The following LARP4B variants were observed in gnomAD, a reference collection of about 807,000 sequenced individuals.
LARP4B encodes La ribonucleoprotein 4B.
In LARP4B, 12 loss-of-function variants were observed where a neutral mutation model predicts 89.8. That is an observed-to-expected ratio of 0.13 (90% CI 0.09 to 0.22). The LOEUF is 0.22. Among genes scored for constraint, LARP4B ranks in the 10% least tolerant of loss-of-function variants. The probability of loss-of-function intolerance (pLI) is 1.00; values close to 1 mark genes in which losing one functional copy is unlikely to be tolerated. For synonymous variants in LARP4B, 367 were observed against 363.3 expected (o/e 1.01, Z -0.12); for missense variants, 757 against 947.7 (o/e 0.80, Z 2.64).
At chr10:925,600 C>G (rs1837114686) in intron 1 of LARP4B, among the ~76,000 whole-genome samples, 1 of 152,060 alleles carries the variant, frequency 6.6e-6, no homozygotes, top group South Asian at 2.1e-4. Flanking sequence ...GTGGTGTGAT[C>G]TCAGATCACT....
rs2131624489 is a variant in LARP4B, at chr10:822,288, C to A, written c.1485-1443G>T. ...GTGTCAGCACCTGCTTGCCCAGAGG[C>A]ATTGCCCTGAGCGCTGGACAGAGGG... On this transcript the variant is annotated intron_variant, in intron 13 of 17. Transcript: ENST00000316157. The surrounding 1 kb of genome is among the most constrained non-coding windows in gnomAD (Gnocchi z 4.6). Among the ~76,000 whole-genome samples the A allele has an allele frequency of 6.6e-6, 1 of 152,338 alleles. No individual in the cohort carries two copies. The highest frequency in any genetic ancestry group is 1.9e-4 in the East Asian group (1 of 5,188).
rs905112794 is a variant in LARP4B at position 822,912 on chromosome 10, G to C, written c.1485-2067C>G. ...GGGACATGTGTCTGGACTCTGGTAA[G>C]GGGTTCTCCAGGACATCTTAGCACT... On this transcript the variant is annotated intron_variant, in intron 13 of 17. Transcript: ENST00000316157. The surrounding 1 kb of genome is among the most constrained non-coding windows in gnomAD (Gnocchi z 4.6). Among the ~76,000 whole-genome samples, 2 of 152,204 alleles carry C rather than the reference G, an allele frequency of 1.3e-5. No homozygotes were observed. The highest frequency in any genetic ancestry group is 4.8e-5 in the African/African-American group (2 of 41,440).
chr10:825,209 T>C lies in LARP4B; in HGVS notation c.1340A>G (p.Asn447Ser). ...CCTTGTTTGTGGACTCCGGACACCA[T>C]TAATTAATCGATCTGCAGTGAAGTT... ...IFNFTADRLI[N>S]GVRSPQTRQA... The change falls in exon 13 of 18, where the codon AAT (asparagine) becomes AGT (serine). Residue 447 changes from asparagine to serine, a missense_variant. Transcript: ENST00000316157. The C allele has an allele frequency of 6.2e-7, 1 of 1,614,196 alleles. No homozygotes were observed. The highest frequency in any genetic ancestry group is 8.5e-7 in the Non-Finnish European group (1 of 1,180,044).
At position 825,699 on chromosome 10, in the gene LARP4B, T is replaced by A. The variant is rs1251014091; in HGVS notation, c.1232+65A>T. ...AGCAGGACTAGTGATCAAAGCTCTC[T>A]CATCCCAACTCCGGAAGGGCAGTAG... is the stretch of plus-strand genomic sequence containing the variant. On this transcript the variant is annotated intron_variant, in intron 12 of 17. Coordinates refer to ENST00000316157, the MANE Select transcript of LARP4B (RefSeq NM_015155.3). 5.6e-6 allele frequency: 6 copies of A among 1,065,324 alleles called. No individual in the cohort carries two copies. The Admixed American group carries it at 1.0e-4, about 18-fold the overall frequency. The allele number at this position is 1,065,324 out of a possible 1,614,324, so 66.0% of individuals were successfully genotyped here.
At chr10:929,780 AG>A (rs1162734950) in intron 1 of LARP4B, among the ~76,000 whole-genome samples, 1 of 152,194 alleles carries the variant, frequency 6.6e-6, no homozygotes, top group East Asian at 1.9e-4. Context: ...CATATAAATA[AG>A]TCAACTCAAC....
At chr10:911,203 G>A (rs1387107594) in intron 1 of LARP4B, among the ~76,000 whole-genome samples, 2 of 152,160 alleles carry the variant, frequency 1.3e-5, no homozygotes, top group African/African-American at 4.8e-5. Flanking sequence ...CTAATTGGGG[G>A]AAAAGTTGGC....
the LARP4B span, among the ~76,000 whole-genome samples, chr10:968,841 G>A: frequency 6.6e-6 from 1 of 152,266 alleles, no homozygotes; most frequent in African/African-American, 2.4e-5. Context: ...GAAAGGGCTA[G>A]AAAGAGAATA....
chr10:908,291 CA>C (rs1256926463), intron 1 of LARP4B, among the ~76,000 whole-genome samples: 3 of 152,168 alleles, frequency 2.0e-5, no homozygotes, highest in Non-Finnish European at 4.4e-5. Flanking sequence ...AGTGGCAGCC[CA>C]AAGAGGGCAT....
At chr10:830,699 T>C (rs1397775419) in intron 9 of LARP4B, among the ~76,000 whole-genome samples, 168 bp downstream of exon 9, 1 of 152,228 alleles carries the variant, frequency 6.6e-6, no homozygotes, top group South Asian at 2.1e-4. Flanking sequence ...AAATTGTCCA[T>C]ACAAATACAC....
chr10:962,072 C>T, the LARP4B span, among the ~76,000 whole-genome samples: 1 of 152,122 alleles, frequency 6.6e-6, no homozygotes, highest in Non-Finnish European at 1.5e-5. Flanking sequence ...GCCGGTGGAT[C>T]ACCTGAGGTC....
At chr10:967,656 G>C in the LARP4B span, among the ~76,000 whole-genome samples, 4 of 152,200 alleles carry the variant, frequency 2.6e-5, no homozygotes, top group Non-Finnish European at 5.9e-5. Context: ...AAGCCAGCCT[G>C]ACACTGGGCC....
chr10:850,401 A>G (rs1279092244), intron 5 of LARP4B, among the ~76,000 whole-genome samples: 1 of 152,236 alleles, frequency 6.6e-6, no homozygotes, highest in Non-Finnish European at 1.5e-5. Flanking sequence ...GACAAAGTAA[A>G]TTGAGAGCAA....
the LARP4B span, among the ~76,000 whole-genome samples, chr10:943,273 T>C: frequency 1.3e-5 from 2 of 152,134 alleles, no homozygotes; most frequent in East Asian, 3.9e-4. Context: ...AAACCACAGA[T>C]GGGCACTTTG....
At chr10:945,688 AG>A in the LARP4B span, among the ~76,000 whole-genome samples, 2 of 93,838 alleles carry the variant, frequency 2.1e-5, no homozygotes, top group African/African-American at 3.7e-5. Context: ...ACTCCGTCTC[AG>A]AAAAAAAAAA....
At chr10:864,018 A>T in intron 4 of LARP4B, 105 bp downstream of exon 4, 1 of 1,562,764 alleles carries the variant, frequency 6.4e-7, no homozygotes, top group Non-Finnish European at 8.7e-7. Flanking sequence ...GCCACATACC[A>T]TGACACAGTT....
At chr10:842,758 T>G (rs1212804404) in intron 7 of LARP4B, among the ~76,000 whole-genome samples, 174 bp downstream of exon 7, 1 of 152,194 alleles carries the variant, frequency 6.6e-6, no homozygotes, top group Non-Finnish European at 1.5e-5. Flanking sequence ...CCAGGGACTA[T>G]CAGGCGCTAC....
chr10:868,157 G>A (rs1187325689), intron 3 of LARP4B, among the ~76,000 whole-genome samples: 1 of 152,014 alleles, frequency 6.6e-6, no homozygotes. Context: ...TACTGACTAG[G>A]AACTGGAGTA....
At chr10:917,827 C>T (rs1244192797) in intron 1 of LARP4B, among the ~76,000 whole-genome samples, 2 of 152,166 alleles carry the variant, frequency 1.3e-5, no homozygotes, top group Non-Finnish European at 2.9e-5. Flanking sequence ...ATTCTTGTTG[C>T]ATTTTATGCA....
the LARP4B span, among the ~76,000 whole-genome samples, chr10:937,294 C>T: frequency 6.6e-6 from 1 of 152,160 alleles, no homozygotes; most frequent in Non-Finnish European, 1.5e-5. Context: ...CCGCTTACTT[C>T]GACCTCCCAA....
Sources: gnomAD v4.1 joint callset for allele counts (sites outside exome capture counted in the v4.1 genomes callset) on GRCh38, gnomAD v4.1.1 for gene constraint, Gnocchi (gnomAD v3.1) non-coding constraint, MANE v1.5 for transcripts, NCBI Gene and HGNC (gene_info 2026-07-23, HGNC 2026-07-21) for gene names.